Variants in SNAP23 observed in about 807,000 individuals in gnomAD.
The protein encoded by SNAP23 is synaptosomal-associated protein 23.
A neutral mutation model predicts 29.0 loss-of-function variants in SNAP23; 11 were observed. The observed-to-expected ratio is 0.38, with a 90% CI of 0.24 to 0.63. The LOEUF (loss-of-function observed/expected upper bound fraction) is 0.63. Ranked by LOEUF, SNAP23 falls within the 20% of genes least tolerant of loss-of-function variation. SNAP23 has a pLI of 0.58. For synonymous variants in SNAP23, 60 were observed against 82.9 expected, an observed-to-expected ratio of 0.72 and a Z score of 1.50; for missense variants, 220 against 253.9, an observed-to-expected ratio of 0.87 and a Z score of 0.91.
rs2057282318 is a variant in SNAP23 at position 42,502,591 on chromosome 15, T to G, written c.-15+6878T>G. ...AGCTAAACTATGTGGATGGTTTCGG[T>G]GAATATTTCATTCAGGCAGGGTGAA... On this transcript the variant is annotated intron_variant, in intron 1 of 7. Transcript: ENST00000249647. Among the ~76,000 whole-genome samples, 5 of 152,346 alleles carry G rather than the reference T, an allele frequency of 3.3e-5. No individual in the cohort carries two copies. The South Asian group carries it at 8.3e-4, about 25-fold the overall frequency.
chr15:42,529,778 A>T lies in SNAP23; in HGVS notation c.529A>T (p.Ile177Phe). Reference sequence around the variant, plus strand: ...CATGGCCCTGAACATAGGCAATGAGATTGATGCTCAAAATCCACAAATAAA... The same window carrying T: ...CATGGCCCTGAACATAGGCAATGAGTTTGATGCTCAAAATCCACAAATAAA... ...KDMALNIGNE[I>F]DAQNPQIKRI... The change falls in exon 7 of 8, where the codon ATT (isoleucine) becomes TTT (phenylalanine). Residue 177 changes from isoleucine to phenylalanine, a missense_variant. Coordinates refer to ENST00000249647, the MANE Select transcript of SNAP23 (RefSeq NM_003825.4). 1 of 1,613,528 alleles carries T rather than the reference A, an allele frequency of 6.2e-7. No homozygotes were observed. Among genetic ancestry groups the T allele is most frequent in the Middle Eastern group, 1.7e-4 (1 of 6,060 alleles).
In SNAP23 at chr15:42,529,784, G is replaced by A; in HGVS notation, c.535G>A (p.Ala179Thr). 1.2e-6 allele frequency: 2 copies of A among 1,613,176 alleles called. No individual in the cohort carries two copies. Among genetic ancestry groups the A allele is most frequent in the Non-Finnish European group, 8.5e-7 (1 of 1,179,836 alleles). ...CCTGAACATAGGCAATGAGATTGAT[G>A]CTCAAAATCCACAAATAAAACGAAT... Reference protein sequence around the residue: ...MALNIGNEIDAQNPQIKRITD... With the variant: ...MALNIGNEIDTQNPQIKRITD... The change falls in exon 7 of 8, where the codon GCT becomes ACT. Residue 179 changes from alanine (A) to threonine (T), a missense_variant. Physicochemically the swap from Ala to Thr is moderately conservative, Grantham distance 58. Transcript: ENST00000249647.
At chr15:42,510,292 T>C (rs751845084) in intron 1 of SNAP23, among the ~76,000 whole-genome samples, 10 of 152,000 alleles carry the variant, frequency 6.6e-5, no homozygotes, top group Non-Finnish European at 1.5e-4. Context: ...TGCGCCACCA[T>C]GCCTGGCTAA....
chr15:42,532,805 G>T lies in SNAP23; in HGVS notation c.*1327G>T, dbSNP rs2057579014. The stretch of plus-strand genomic sequence containing the variant: ...ACTTTAAAAAGTTAGAATTTATTCT[G>T]TAACTAAAAATTATTTGAAAAAATT... On this transcript the variant is annotated 3_prime_UTR_variant, in exon 8 of 8. Transcript: ENST00000249647. 6.6e-6 allele frequency: 1 copy of T among 152,622 alleles called. No homozygotes were observed. Among genetic ancestry groups the T allele is most frequent in the Non-Finnish European group, 1.5e-5 (1 of 68,012 alleles). 9.5% of individuals were successfully genotyped at this position (152,622 alleles called of 1,614,324 possible).
chr15:42,500,080 G>A (rs891482804), intron 1 of SNAP23, among the ~76,000 whole-genome samples: 1 of 152,178 alleles, frequency 6.6e-6, no homozygotes, highest in African/African-American at 2.4e-5. Flanking sequence ...GGAGGTCAAG[G>A]CTCCTGTAGA....
intron 1 of SNAP23, among the ~76,000 whole-genome samples, chr15:42,501,950 T>A (rs1454109026): frequency 6.6e-6 from 1 of 152,148 alleles, no homozygotes; most frequent in Non-Finnish European, 1.5e-5. Context: ...TACTATGTTG[T>A]CTTTTGTATA....
At chr15:42,520,587 C>T (rs935063666) in intron 5 of SNAP23, among the ~76,000 whole-genome samples, 3 of 152,010 alleles carry the variant, frequency 2.0e-5, no homozygotes, top group African/African-American at 7.2e-5. Context: ...CTCCGCCTCC[C>T]GGGTTCACGC....
intron 1 of SNAP23, among the ~76,000 whole-genome samples, chr15:42,511,017 A>T (rs977335803): frequency 2.6e-5 from 4 of 152,208 alleles, no homozygotes; most frequent in Non-Finnish European, 4.4e-5. Flanking sequence ...AATTCATACA[A>T]AGCTAGCAAA....
At position 42,522,732 on chromosome 15, in the gene SNAP23, A is replaced by G. The variant is rs577136387; in HGVS notation, c.267-5530A>G. Among the ~76,000 whole-genome samples the G allele has an allele frequency of 2.0e-3, 295 of 150,514 alleles. 3 individuals carry two copies. The highest frequency in any genetic ancestry group is 6.4e-3 in the African/African-American group (266 of 41,350). Reference sequence around the variant, plus strand: ...AACCAAAACTAAAAAAAAAAAAAAAAAAAAGAAATTATCGTTTTTGTGCTC... The same window carrying G: ...AACCAAAACTAAAAAAAAAAAAAAAGAAAAGAAATTATCGTTTTTGTGCTC... On this transcript the variant is annotated intron_variant, in intron 5 of 7. Transcript: ENST00000249647.
At chr15:42,528,133 CTA>C in intron 5 of SNAP23, 127 bp from the exon 6 acceptor site, 13 of 553,392 alleles carry the variant, frequency 2.3e-5, no homozygotes, top group South Asian at 1.4e-4. Context: ...TGTAGATCAT[CTA>C]GACTTAGCTG....
chr15:42,512,784 A>G (rs935433517), intron 2 of SNAP23, among the ~76,000 whole-genome samples, 171 bp from the exon 3 acceptor site: 3 of 151,600 alleles, frequency 2.0e-5, no homozygotes, highest in Non-Finnish European at 4.4e-5. Flanking sequence ...TCCGGTACTC[A>G]AGAAATCCTC....
At chr15:42,511,968 A>C in intron 2 of SNAP23, 65 bp downstream of exon 2, 2 of 1,114,012 alleles carry the variant, frequency 1.8e-6, no homozygotes, top group Non-Finnish European at 2.6e-6. Flanking sequence ...GGAGTGAGAG[A>C]GCCTTCTTAG....
In SNAP23 at chr15:42,499,197, T is replaced by C. The variant is rs143882582; in HGVS notation, c.-15+3484T>C. ...GATTCTCCTGCCTCAGCCTCCCGAG[T>C]AGCTGGGATTACAGGCAGGCGCCAC... On this transcript the variant is annotated intron_variant, in intron 1 of 7. Coordinates refer to ENST00000249647, the MANE Select transcript of SNAP23 (RefSeq NM_003825.4). 7.2e-3 allele frequency among the ~76,000 whole-genome samples: 1,092 copies of C among 151,804 alleles called. 10 individuals carry two copies. The highest frequency in any genetic ancestry group is 0.026 in the African/African-American group (1,064 of 41,400).
At chr15:42,506,433 G>A (rs190886862) in intron 1 of SNAP23, among the ~76,000 whole-genome samples, 2 of 152,282 alleles carry the variant, frequency 1.3e-5, no homozygotes, top group East Asian at 3.9e-4. Flanking sequence ...TGGAGACAGA[G>A]TCTTGTTGTG....
chr15:42,491,296 G>A (rs929762581), upstream of SNAP23: 1 of 152,436 alleles, frequency 6.6e-6, no homozygotes, highest in Non-Finnish European at 1.5e-5. Flanking sequence ...TTGCGGGAGA[G>A]TCAGTACGCA....
intron 1 of SNAP23, among the ~76,000 whole-genome samples, chr15:42,509,718 G>T (rs181886004): frequency 8.5e-5 from 13 of 152,234 alleles, no homozygotes; most frequent in Admixed American, 3.3e-4. Flanking sequence ...GATTACAGGC[G>T]TGAGCCACTG....
chr15:42,509,498 G>T (rs534491318), intron 1 of SNAP23, among the ~76,000 whole-genome samples: 1 of 147,646 alleles, frequency 6.8e-6, no homozygotes, highest in African/African-American at 2.5e-5. Flanking sequence ...GGAGTGCAGT[G>T]GCACAGTCTT....
At chr15:42,529,651 G>C in intron 6 of SNAP23, 24 bp from the exon 7 acceptor site, 1 of 1,606,260 alleles carries the variant, frequency 6.2e-7, no homozygotes. Context: ...AAAACCTATG[G>C]AATTAACTGT....
intron 1 of SNAP23, among the ~76,000 whole-genome samples, chr15:42,503,913 ATATG>A (rs1567042564): frequency 6.6e-6 from 1 of 152,204 alleles, no homozygotes; most frequent in African/African-American, 2.4e-5. Context: ...AGAGAAAAAA[ATATG>A]TATGTATATT....
Sources: allele counts gnomAD v4.1 joint callset (sites outside exome capture counted in the v4.1 genomes callset), GRCh38; gene constraint gnomAD v4.1.1; transcripts MANE v1.5; gene names NCBI Gene and HGNC (gene_info 2026-07-23, HGNC 2026-07-21).